Variants in PTPRC observed in about 807,000 individuals in gnomAD.
The protein encoded by PTPRC is protein tyrosine phosphatase receptor type C.
Under a neutral mutation model 155.9 loss-of-function variants are expected in PTPRC, and 44 were observed. The ratio of observed to expected loss-of-function variants is 0.28; its 90% CI spans 0.22 to 0.36. The LOEUF is 0.36. Ranked by LOEUF, PTPRC falls within the 10% of genes least tolerant of loss-of-function variation. PTPRC has a pLI of 1.00. For synonymous variants in PTPRC, 525 were observed against 533.1 expected (o/e 0.98, Z 0.21); for missense variants, 1,401 against 1,564.6 (o/e 0.90, Z 1.76).
intron 2 of PTPRC, among the ~76,000 whole-genome samples, chr1:198,684,250 T>C (rs1453057614): frequency 6.6e-6 from 1 of 151,418 alleles, no homozygotes; most frequent in Non-Finnish European, 1.5e-5. Flanking sequence ...GCCTGAAATA[T>C]ATAACATGAT....
intron 11 of PTPRC, 106 bp from the exon 12 acceptor site, chr1:198,712,847 A>G (rs1653381551): frequency 2.4e-6 from 3 of 1,229,858 alleles, no homozygotes; most frequent in African/African-American, 1.5e-5. Flanking sequence ...TTTTGAATTC[A>G]TCATTTGTCA....
At chr1:198,694,377 A>T in intron 3 of PTPRC, 2 of 1,061,354 alleles carry the variant, frequency 1.9e-6, no homozygotes, top group Middle Eastern at 3.4e-4. Context: ...TCAAATGTTA[A>T]TCTCCCTTGG....
chr1:198,664,026 G>C (rs1473575814), intron 2 of PTPRC, among the ~76,000 whole-genome samples: 1 of 151,716 alleles, frequency 6.6e-6, no homozygotes, highest in African/African-American at 2.4e-5. Context: ...TTAGTTCATG[G>C]AAAGAAAAGT....
chr1:198,746,211 T>C (rs753927964), intron 26 of PTPRC, among the ~76,000 whole-genome samples: 3 of 151,882 alleles, frequency 2.0e-5, no homozygotes, highest in Non-Finnish European at 4.4e-5. Context: ...CAGAAATCAA[T>C]ACCTGACACT....
chr1:198,756,247 G>GGAA lies in PTPRC; in HGVS notation c.*68_*70dup. 2 of 1,587,334 alleles carry GGAA rather than the reference G, an allele frequency of 1.3e-6. No individual in the cohort carries two copies. Among genetic ancestry groups the GGAA allele is most frequent in the Non-Finnish European group, 8.6e-7 (1 of 1,160,724 alleles). The stretch of plus-strand genomic sequence containing the variant: ...TGTTATTTCTATTTTTGTAGAAGTA[G>GGAA]GAAGTGAAAATAGGTATACAGTGGA... On this transcript the variant is annotated 3_prime_UTR_variant, in exon 33 of 33. Transcript: ENST00000442510.
At position 198,734,342 on chromosome 1, in the gene PTPRC, A is replaced by G. The variant is rs1413986135; in HGVS notation, c.2194A>G (p.Thr732Ala). Residue 732 changes from threonine to alanine, a missense_variant, in exon 22 of 33, where the codon ACT becomes GCT. Thr to Ala is a moderately conservative substitution (Grantham distance 58). This residue lies in a region of PTPRC where 867 missense variants were observed against 970.4 expected (regional missense o/e 0.89). Coordinates refer to ENST00000442510, the MANE Select transcript of PTPRC (RefSeq NM_002838.5). ...TTACCTCCTAGGTCCCAGGGATGAAACTGTTGATGATTTCTGGAGGATGAT... is the reference window on the plus strand; with the variant it reads ...TTACCTCCTAGGTCCCAGGGATGAAGCTGTTGATGATTTCTGGAGGATGAT... The part of the protein sequence containing the change: ...YIAAQGPRDE[T>A]VDDFWRMIWE... 6.2e-7 allele frequency: 1 copy of G among 1,611,194 alleles called. No homozygotes were observed. Among genetic ancestry groups the G allele is most frequent in the South Asian group, 1.1e-5 (1 of 91,034 alleles).
chr1:198,670,024 T>C (rs1664553837), intron 2 of PTPRC, among the ~76,000 whole-genome samples: 1 of 152,204 alleles, frequency 6.6e-6, no homozygotes, highest in Non-Finnish European at 1.5e-5. Context: ...GAATAATTAC[T>C]ATTTTTAATG....
At chr1:198,691,821 T>G (rs934046742) in intron 2 of PTPRC, among the ~76,000 whole-genome samples, 1 of 152,106 alleles carries the variant, frequency 6.6e-6, no homozygotes, top group African/African-American at 2.4e-5. Flanking sequence ...GATGATCCTG[T>G]TATGTTCTCC....
chr1:198,662,065 C>A (rs1320597106), intron 2 of PTPRC, among the ~76,000 whole-genome samples: 2 of 152,100 alleles, frequency 1.3e-5, no homozygotes, highest in Non-Finnish European at 2.9e-5. Context: ...AACTGGTCAG[C>A]CAGTTTTTAT....
rs540845170 is a variant in PTPRC, at chr1:198,647,919, C to T, written c.73+8578C>T. 2.6e-5 allele frequency among the ~76,000 whole-genome samples: 4 copies of T among 151,908 alleles called. No homozygotes were observed. The South Asian group carries it at 8.3e-4, about 31-fold the overall frequency. On this transcript the variant is annotated intron_variant, in intron 2 of 32. Coordinates refer to ENST00000442510, the MANE Select transcript of PTPRC (RefSeq NM_002838.5). Reference sequence around the variant, plus strand: ...AAATCTTCCAAAATCTTCATCAGCACCCCAAAACTTCCTCCTCAAAGTAAC... The same window carrying T: ...AAATCTTCCAAAATCTTCATCAGCATCCCAAAACTTCCTCCTCAAAGTAAC...
chr1:198,744,875 A>G (rs560033799), intron 26 of PTPRC, among the ~76,000 whole-genome samples: 1 of 151,912 alleles, frequency 6.6e-6, no homozygotes, highest in Admixed American at 6.6e-5. Context: ...TTTTAATCAC[A>G]TGCAGAACCA....
chr1:198,672,186 TC>T (rs1664685989), intron 2 of PTPRC, among the ~76,000 whole-genome samples: 1 of 152,160 alleles, frequency 6.6e-6, no homozygotes, highest in Non-Finnish European at 1.5e-5. Context: ...AGCTTTTTCC[TC>T]AGTCTTAAAA....
At chr1:198,680,138 C>T (rs1665229416) in intron 2 of PTPRC, 2 of 408,552 alleles carry the variant, frequency 4.9e-6, no homozygotes, top group East Asian at 3.6e-5. Flanking sequence ...CCAGGGAAGC[C>T]GGGGCTCATT....
At chr1:198,686,567 C>T (rs1665635802) in intron 2 of PTPRC, among the ~76,000 whole-genome samples, 1 of 152,136 alleles carries the variant, frequency 6.6e-6, no homozygotes, top group South Asian at 2.1e-4. Context: ...GTGATGCCTT[C>T]TCTTTATTGT....
At chr1:198,746,235 G>A (rs374945591) in intron 26 of PTPRC, among the ~76,000 whole-genome samples, 2 of 151,954 alleles carry the variant, frequency 1.3e-5, no homozygotes, top group South Asian at 2.1e-4. Context: ...CAGTGAAGCC[G>A]GTGGATAGAA....
chr1:198,658,683 A>T (rs1663745348), intron 2 of PTPRC, among the ~76,000 whole-genome samples: 1 of 152,064 alleles, frequency 6.6e-6, no homozygotes, highest in Non-Finnish European at 1.5e-5. Flanking sequence ...GGCATTTGTT[A>T]CCCAGAATAC....
At chr1:198,737,965 A>G (rs989771875) in intron 23 of PTPRC, among the ~76,000 whole-genome samples, 1 of 151,662 alleles carries the variant, frequency 6.6e-6, no homozygotes, top group African/African-American at 2.4e-5. Flanking sequence ...AGATTGTTCA[A>G]TGTTAGCATA....
chr1:198,716,973 TA>T lies in PTPRC; in HGVS notation c.1450+136del, dbSNP rs918114800. On this transcript the variant is annotated intron_variant, in intron 13 of 32. Transcript: ENST00000442510. ...CACATTTGTTAACATCTAGGGCTTA[TA>T]AACACGTAAAATCTAAAAGTTTAAA... The T allele has an allele frequency of 3.9e-6, 3 of 767,426 alleles. No homozygotes were observed. The African/African-American group carries it at 5.3e-5, about 14-fold the overall frequency. The allele number at this position is 767,426 out of a possible 1,614,324, so 47.5% of individuals were successfully genotyped here.
intron 16 of PTPRC, 143 bp from the exon 17 acceptor site, chr1:198,728,994 T>C (rs977347356): frequency 2.3e-6 from 2 of 873,470 alleles, no homozygotes; most frequent in African/African-American, 3.5e-5. Flanking sequence ...CCTCCTTTCC[T>C]CTTCTCCTCT....
Sources: allele counts gnomAD v4.1 joint callset (sites outside exome capture counted in the v4.1 genomes callset), GRCh38; gene constraint gnomAD v4.1.1; regional missense constraint gnomAD v4.1.1; transcripts MANE v1.5; gene names NCBI Gene and HGNC (gene_info 2026-07-23, HGNC 2026-07-21).